The following RNF144B variants were observed in gnomAD, a reference collection of about 807,000 sequenced individuals.
The protein encoded by RNF144B is E3 ubiquitin-protein ligase RNF144B.
RNF144B carries 25 observed loss-of-function variants against 40.2 expected under a neutral mutation model. The observed-to-expected ratio is 0.62, with a 90% CI of 0.45 to 0.87. The LOEUF (loss-of-function observed/expected upper bound fraction) is 0.87. Ranked by LOEUF, RNF144B falls within the 40% of genes least tolerant of loss-of-function variation. The pLI is 0.00. For synonymous variants in RNF144B, 145 were observed against 136.3 expected (o/e 1.06, Z -0.44); for missense variants, 365 against 373.7 (o/e 0.98, Z 0.19).
chr6:18,452,097 A>G (rs1210864107), intron 4 of RNF144B, among the ~76,000 whole-genome samples: 2 of 152,242 alleles, frequency 1.3e-5, no homozygotes, highest in Non-Finnish European at 2.9e-5. Context: ...AAATTCCAAT[A>G]CAAGGCAATT....
intron 1 of RNF144B, among the ~76,000 whole-genome samples, chr6:18,394,417 G>A (rs1794649915): frequency 6.6e-6 from 1 of 152,086 alleles, no homozygotes; most frequent in African/African-American, 2.4e-5. Context: ...GGTCAATATG[G>A]TGAAACCTCG....
At chr6:18,437,189 A>T (rs564594358) in intron 3 of RNF144B, among the ~76,000 whole-genome samples, 1 of 152,320 alleles carries the variant, frequency 6.6e-6, no homozygotes, top group Admixed American at 6.5e-5. Context: ...CTGTAATCCC[A>T]GCACTTTGGG....
chr6:18,459,800 C>T lies in RNF144B; in HGVS notation c.681+49C>T, dbSNP rs918734582. ...TATGGTGTTTCCTATACTGTATCTG[C>T]ACCACAGCTGATATCCTACAGATTT... On this transcript the variant is annotated intron_variant, in intron 6 of 7. Coordinates refer to ENST00000259939, the MANE Select transcript of RNF144B (RefSeq NM_182757.4). This position sits in a 1 kb window ranked among gnomAD's most constrained non-coding sequence, Gnocchi z 4.2. 9.2e-6 allele frequency: 14 copies of T among 1,522,478 alleles called. No homozygotes were observed. The highest frequency in any genetic ancestry group is 1.3e-5 in the Non-Finnish European group (14 of 1,113,572). The allele number at this position is 1,522,478 out of a possible 1,614,324, so 94.3% of individuals were successfully genotyped here.
Position 18,416,096 on chromosome 6 carries a change from A to G in RNF144B, c.166-11485A>G, listed in dbSNP as rs776759152. 1.3e-5 allele frequency among the ~76,000 whole-genome samples: 2 copies of G among 152,044 alleles called. No homozygotes were observed. Among genetic ancestry groups the G allele is most frequent in the Admixed American group, 6.6e-5 (1 of 15,212 alleles). On this transcript the variant is annotated intron_variant, in intron 2 of 7. Transcript: ENST00000259939. This position sits in a 1 kb window ranked among gnomAD's most constrained non-coding sequence, Gnocchi z 5.5. Reference sequence around the variant, plus strand: ...TTCTTTGGAGAAAGTAGAAGGATGTAAACTTGGCAAGCCTTCTTGTTTTCT... The same window carrying G: ...TTCTTTGGAGAAAGTAGAAGGATGTGAACTTGGCAAGCCTTCTTGTTTTCT...
In RNF144B at chr6:18,418,427, A is replaced by G. The variant is rs1198552901; in HGVS notation, c.166-9154A>G. ...AGTACCAATACATGCTACAACATGT[A>G]TGAATCTTGAAAACATTATGCTAAG... On this transcript the variant is annotated intron_variant, in intron 2 of 7. Coordinates refer to ENST00000259939, the MANE Select transcript of RNF144B (RefSeq NM_182757.4). The surrounding 1 kb of genome is among the most constrained non-coding windows in gnomAD (Gnocchi z 5.2). Among the ~76,000 whole-genome samples, 4 of 152,252 alleles carry G rather than the reference A, an allele frequency of 2.6e-5. No homozygotes were observed. The highest frequency in any genetic ancestry group is 4.1e-4 in the South Asian group (2 of 4,836).
chr6:18,407,010 C>T (rs1197174052), intron 2 of RNF144B, among the ~76,000 whole-genome samples: 4 of 152,144 alleles, frequency 2.6e-5, no homozygotes, highest in Non-Finnish European at 5.9e-5. Context: ...AATTCACTAT[C>T]ATGGGAACAG....
rs1020325775 is a variant in RNF144B at position 18,398,015 on chromosome 6, G to A, written c.-36-1484G>A. Among the ~76,000 whole-genome samples, 2 of 152,132 alleles carry A rather than the reference G, an allele frequency of 1.3e-5. No homozygotes were observed. Among genetic ancestry groups the A allele is most frequent in the East Asian group, 1.9e-4 (1 of 5,156 alleles). ...ATACCCTGACTCGGGAGGTGGAGTC[G>A]GGAGGGTCATGTCAGTCCAGGAGTT... is the stretch of plus-strand genomic sequence containing the variant. On this transcript the variant is annotated intron_variant, in intron 1 of 7. Transcript: ENST00000259939. This position sits in a 1 kb window ranked among gnomAD's most constrained non-coding sequence, Gnocchi z 5.0.
In RNF144B at chr6:18,426,494, G is replaced by A. The variant is rs139616951; in HGVS notation, c.166-1087G>A. 9.0e-4 allele frequency among the ~76,000 whole-genome samples: 137 copies of A among 152,278 alleles called. No individual in the cohort carries two copies. The East Asian group carries it at 0.021, about 23-fold the overall frequency. On this transcript the variant is annotated intron_variant, in intron 2 of 7. Coordinates refer to ENST00000259939, the MANE Select transcript of RNF144B (RefSeq NM_182757.4). ...GTGAGGCATTACAGGTTTCCATAAA[G>A]CTATCAGTCCCTCTCTTAACTTTTC... is the stretch of plus-strand genomic sequence containing the variant.
Position 18,398,160 on chromosome 6 carries a change from G to A in RNF144B, c.-36-1339G>A, listed in dbSNP as rs78404776. ...AACTCTTCATTTCCCCCTCCCACCA[G>A]CCCCTGGTAACCTCTATTCTTCTTT... On this transcript the variant is annotated intron_variant, in intron 1 of 7. Coordinates refer to ENST00000259939, the MANE Select transcript of RNF144B (RefSeq NM_182757.4). This position sits in a 1 kb window ranked among gnomAD's most constrained non-coding sequence, Gnocchi z 5.0. Among the ~76,000 whole-genome samples the A allele has an allele frequency of 1.9e-3, 288 of 152,034 alleles. 1 individual carries two copies. Among genetic ancestry groups the A allele is most frequent in the African/African-American group, 6.1e-3 (253 of 41,472 alleles).
At chr6:18,401,769 C>T (rs952883976) in intron 2 of RNF144B, among the ~76,000 whole-genome samples, 19 of 152,296 alleles carry the variant, frequency 1.2e-4, no homozygotes, top group African/African-American at 4.6e-4. Flanking sequence ...CTACTGACTT[C>T]TACTTTTAAA....
At position 18,391,729 on chromosome 6, in the gene RNF144B, G is replaced by A. The variant is rs1258802568; in HGVS notation, c.-37+4099G>A. Among the ~76,000 whole-genome samples the A allele has an allele frequency of 7.3e-5, 11 of 151,170 alleles. No homozygotes were observed. In the South Asian group the frequency reaches 1.7e-3, roughly 23 times the overall value. On this transcript the variant is annotated intron_variant, in intron 1 of 7. Coordinates refer to ENST00000259939, the MANE Select transcript of RNF144B (RefSeq NM_182757.4). ...AAAAATACAAAAAAATTAGCCAAGC[G>A]TGGTGGTGGGCGCCTGTAGTCCCAG...
At position 18,456,116 on chromosome 6, in the gene RNF144B, G is replaced by A. The variant is rs751026471; in HGVS notation, c.332-1039G>A. On this transcript the variant is annotated intron_variant, in intron 4 of 7. Transcript: ENST00000259939. The surrounding 1 kb of genome is among the most constrained non-coding windows in gnomAD (Gnocchi z 4.7). ...TTTTTGTATTTTTAGTAGAGATGGT[G>A]TTTCACCCTGTTAGCCAGGATGGTC... 1.3e-5 allele frequency among the ~76,000 whole-genome samples: 2 copies of A among 152,094 alleles called. No individual in the cohort carries two copies. Among genetic ancestry groups the A allele is most frequent in the Non-Finnish European group, 2.9e-5 (2 of 68,004 alleles).
intron 1 of RNF144B, among the ~76,000 whole-genome samples, chr6:18,390,073 G>A (rs116539755): frequency 3.9e-5 from 6 of 152,270 alleles, no homozygotes; most frequent in Admixed American, 6.5e-5. Flanking sequence ...GTCTCTGTCC[G>A]GAAGAAATTC....
rs1759550273 is a variant in RNF144B at position 18,465,152 on chromosome 6, T to C, written c.*85T>C. 1 of 1,414,742 alleles carries C rather than the reference T, an allele frequency of 7.1e-7. No homozygotes were observed. The highest frequency in any genetic ancestry group is 1.3e-5 in the South Asian group (1 of 76,780). 87.6% of individuals were successfully genotyped at this position (1,414,742 alleles called of 1,614,324 possible). On this transcript the variant is annotated 3_prime_UTR_variant, in exon 8 of 8. Transcript: ENST00000259939. ...GCCCCATTTAGTGACCTTGCCTCCT[T>C]CTCCTTGCCAACTTTGAAAGTGCCT...
intron 3 of RNF144B, among the ~76,000 whole-genome samples, chr6:18,436,312 C>T (rs11964052): frequency 0.01 from 1,556 of 152,172 alleles, 21 homozygotes; most frequent in African/African-American, 0.035. Flanking sequence ...CAAGGAGATA[C>T]CACAGCTAGG....
At chr6:18,435,459 A>G (rs1688569968) in intron 3 of RNF144B, among the ~76,000 whole-genome samples, 1 of 152,120 alleles carries the variant, frequency 6.6e-6, no homozygotes, top group Admixed American at 6.5e-5. Flanking sequence ...TTTAATCACC[A>G]AGTACAAAAT....
At chr6:18,439,147 AAT>A (rs1214578130) in intron 3 of RNF144B, among the ~76,000 whole-genome samples, 1 of 152,170 alleles carries the variant, frequency 6.6e-6, no homozygotes, top group Non-Finnish European at 1.5e-5. Flanking sequence ...CTGAGATGTC[AAT>A]GTCCCATAAC....
At chr6:18,438,630 A>G (rs1184293719) in intron 3 of RNF144B, among the ~76,000 whole-genome samples, 1 of 152,190 alleles carries the variant, frequency 6.6e-6, no homozygotes, top group East Asian at 1.9e-4. Flanking sequence ...TATAAAAGGT[A>G]TAATATTTGT....
intron 1 of RNF144B, 36 bp downstream of exon 1, chr6:18,387,666 T>G: frequency 7.8e-7 from 1 of 1,286,462 alleles, no homozygotes; most frequent in South Asian, 1.2e-5. Context: ...CTACAGGCGT[T>G]GCAAGACCGG....
Sources: gnomAD v4.1 joint callset for allele counts (sites outside exome capture counted in the v4.1 genomes callset) on GRCh38, gnomAD v4.1.1 for gene constraint, Gnocchi (gnomAD v3.1) non-coding constraint, MANE v1.5 for transcripts, NCBI Gene and HGNC (gene_info 2026-07-23, HGNC 2026-07-21) for gene names.